RNF128: variants seen among roughly 807,000 people sequenced by gnomAD.
RNF128 encodes the protein ring finger protein 128.
A neutral mutation model predicts 26.2 loss-of-function variants in RNF128; 13 were observed. The ratio of observed to expected loss-of-function variants is 0.50; its 90% confidence interval spans 0.32 to 0.79. The LOEUF is 0.79. RNF128 is among the 30% of genes least tolerant of loss of function. The pLI is 0.03. For synonymous variants in RNF128, 149 were observed against 142.5 expected, an observed-to-expected ratio of 1.05 and a Z score of -0.32; for missense variants, 315 against 349.7, an observed-to-expected ratio of 0.90 and a Z score of 0.79.
At chrX:106,794,856 C>T (rs984902960) in intron 6 of RNF128, among the ~76,000 whole-genome samples, 15 of 110,795 alleles carry the variant, frequency 1.4e-4, no homozygotes, top group South Asian at 3.9e-4. Flanking sequence ...CTCCTTTCTC[C>T]GACAGTGAAA....
intron 1 of RNF128, among the ~76,000 whole-genome samples, chrX:106,714,384 G>A (rs983933562): frequency 1.8e-5 from 2 of 110,721 alleles, no homozygotes; most frequent in Non-Finnish European, 1.9e-5. Context: ...TTTTAAAAAA[G>A]AAAAACTTTT....
chrX:106,739,594 A>G (rs761317708), intron 1 of RNF128, among the ~76,000 whole-genome samples: 1 of 112,162 alleles, frequency 8.9e-6, no homozygotes, highest in Non-Finnish European at 1.9e-5. Flanking sequence ...TAGCTTTTAT[A>G]TCAGGTTTAT....
intron 2 of RNF128, among the ~76,000 whole-genome samples, chrX:106,782,838 A>G (rs1930588525): frequency 8.9e-6 from 1 of 111,852 alleles, no homozygotes; most frequent in African/African-American, 3.3e-5. Flanking sequence ...TATTTCAAGC[A>G]AGACATTCTT....
chrX:106,759,189 A>G (rs1483579628), intron 1 of RNF128, among the ~76,000 whole-genome samples: 1 of 112,124 alleles, frequency 8.9e-6, no homozygotes, highest in Non-Finnish European at 1.9e-5. Flanking sequence ...AAAGATGCTC[A>G]ACATAATTGA....
chrX:106,733,842 A>C (rs2147671381), intron 1 of RNF128, among the ~76,000 whole-genome samples: 1 of 110,288 alleles, frequency 9.1e-6, no homozygotes, highest in African/African-American at 3.3e-5. Flanking sequence ...CTGGGATTAC[A>C]GGCCTGTGCT....
intron 2 of RNF128, among the ~76,000 whole-genome samples, chrX:106,781,822 T>G (rs1411099529): frequency 2.7e-5 from 3 of 111,663 alleles, no homozygotes; most frequent in Non-Finnish European, 5.6e-5. Flanking sequence ...TCTTGTCTAG[T>G]GTCTTCTGGC....
At chrX:106,715,793 G>T (rs1316080745) in intron 1 of RNF128, among the ~76,000 whole-genome samples, 1 of 111,604 alleles carries the variant, frequency 9.0e-6, no homozygotes, top group Non-Finnish European at 1.9e-5. Flanking sequence ...AGTCCAAGTT[G>T]TATACCTACC....
At chrX:106,785,568 A>T (rs767705699) in intron 3 of RNF128, among the ~76,000 whole-genome samples, 1 of 111,785 alleles carries the variant, frequency 8.9e-6, no homozygotes, top group Non-Finnish European at 1.9e-5. Context: ...AGCCTCTAGA[A>T]GCTGGGAAAG....
chrX:106,741,537 A>G (rs1324089869), intron 1 of RNF128, among the ~76,000 whole-genome samples: 1 of 112,018 alleles, frequency 8.9e-6, no homozygotes, highest in African/African-American at 3.2e-5. Context: ...CCCAAGGTCT[A>G]TAGGATAGAA....
At chrX:106,703,615 A>G (rs375297842) in intron 1 of RNF128, among the ~76,000 whole-genome samples, 6 of 111,520 alleles carry the variant, frequency 5.4e-5, no homozygotes, top group African/African-American at 2.0e-4. Flanking sequence ...CATTGCCCTC[A>G]AGGAGGGAAA....
At chrX:106,695,797 C>G (rs1928865891) in intron 1 of RNF128, among the ~76,000 whole-genome samples, 1 of 111,833 alleles carries the variant, frequency 8.9e-6, no homozygotes, top group African/African-American at 3.2e-5. Context: ...TCTGGGTTTC[C>G]TTTTGCATGA....
rs957504261 is a variant in RNF128, at chrX:106,701,394, T to C, written c.406+6986T>C. Among the ~76,000 whole-genome samples the C allele has an allele frequency of 6.3e-5, 7 of 111,515 alleles. No homozygotes were observed. The Admixed American group carries it at 6.7e-4, about 11-fold the overall frequency. Reference sequence around the variant, plus strand: ...TCAGTAAGATTTTTTAATTTTGTTATTCTTATGGCTTAACTAGAATATGAA... The same window carrying C: ...TCAGTAAGATTTTTTAATTTTGTTACTCTTATGGCTTAACTAGAATATGAA... On this transcript the variant is annotated intron_variant, in intron 1 of 6. Transcript: ENST00000324342.
intron 6 of RNF128, among the ~76,000 whole-genome samples, chrX:106,792,797 A>G (rs1052746900): frequency 1.8e-5 from 2 of 111,539 alleles, no homozygotes; most frequent in African/African-American, 6.5e-5. Flanking sequence ...TAAAACTTTT[A>G]AAGTTCTTTT....
At chrX:106,747,863 A>G (rs1929815538) in intron 1 of RNF128, among the ~76,000 whole-genome samples, 2 of 112,132 alleles carry the variant, frequency 1.8e-5, no homozygotes, top group Admixed American at 9.5e-5. Context: ...TATTCTTCCT[A>G]GTGATGAATA....
chrX:106,718,318 T>A (rs1247840090), intron 1 of RNF128, among the ~76,000 whole-genome samples: 4 of 111,681 alleles, frequency 3.6e-5, no homozygotes, highest in Non-Finnish European at 5.7e-5. Flanking sequence ...TGCCCTCTTT[T>A]TCCCCCTCTC....
At chrX:106,724,379 C>T (rs1188015407), upstream of RNF128, among the ~76,000 whole-genome samples, 1 of 111,100 alleles carries the variant, frequency 9.0e-6, no homozygotes, top group African/African-American at 3.3e-5. Context: ...CTATTATCCA[C>T]AGAGAAGGAT....
intron 1 of RNF128, among the ~76,000 whole-genome samples, chrX:106,701,119 C>G (rs1928949312): frequency 8.9e-6 from 1 of 111,732 alleles, no homozygotes; most frequent in Admixed American, 9.5e-5. Flanking sequence ...ATTAATTCAT[C>G]CATTGATTCT....
chrX:106,730,348 G>A (rs1347663623), intron 1 of RNF128, among the ~76,000 whole-genome samples: 1 of 112,278 alleles, frequency 8.9e-6, no homozygotes, highest in Admixed American at 9.4e-5. Context: ...CTTATTGGCA[G>A]TTTGGCTTGC....
intron 1 of RNF128, among the ~76,000 whole-genome samples, chrX:106,706,814 C>T (rs1163969270): frequency 8.9e-6 from 1 of 112,014 alleles, no homozygotes; most frequent in African/African-American, 3.2e-5. Flanking sequence ...ATAAAGAAGG[C>T]ACTTTGCACA....
Sources: allele counts gnomAD v4.1 joint callset (sites outside exome capture counted in the v4.1 genomes callset), GRCh38; gene constraint gnomAD v4.1.1; transcripts MANE v1.5; gene names NCBI Gene and HGNC (gene_info 2026-07-23, HGNC 2026-07-21).